RAB3C: variants seen among roughly 807,000 people sequenced by gnomAD.
RAB3C encodes the protein ras-related protein Rab-3C.
In RAB3C, 17 loss-of-function variants were observed where a neutral mutation model predicts 26.4. The observed-to-expected ratio is 0.64, with a 90% confidence interval of 0.44 to 0.97. RAB3C has a LOEUF of 0.97. RAB3C is among the 50% of genes least tolerant of loss of function. The pLI is 0.00. For synonymous variants in RAB3C, 91 were observed against 95.9 expected, an observed-to-expected ratio of 0.95 and a Z score of 0.30; for missense variants, 242 against 281.9, an observed-to-expected ratio of 0.86 and a Z score of 1.01.
intron 1 of RAB3C, among the ~76,000 whole-genome samples, chr5:58,590,381 A>G (rs1337859017): frequency 2.0e-5 from 3 of 152,106 alleles, no homozygotes; most frequent in African/African-American, 7.2e-5. Flanking sequence ...TGTTTATATC[A>G]GTATTAATGT....
Position 58,758,790 on chromosome 5 carries a change from G to A in RAB3C, c.371+32670G>A, listed in dbSNP as rs182631472. On this transcript the variant is annotated intron_variant, in intron 3 of 4. Coordinates refer to ENST00000282878, the MANE Select transcript of RAB3C (RefSeq NM_138453.4). ...TACTAAAGTAAAATGAAATCTGGAA[G>A]GATCACTTCATCGTGATCTCTCATG... Among the ~76,000 whole-genome samples, 123 of 152,240 alleles carry A rather than the reference G, an allele frequency of 8.1e-4. 1 individual carries two copies. Among genetic ancestry groups the A allele is most frequent in the African/African-American group, 2.8e-3 (118 of 41,556 alleles).
rs149024101 is a variant in RAB3C, at chr5:58,624,359, G to A, written c.252+6489G>A. ...GAAGCCTATTTTAGGTGATCAGTGC[G>A]GATTGATACAAGATGCTAACTGAGC... On this transcript the variant is annotated intron_variant, in intron 2 of 4. Coordinates refer to ENST00000282878, the MANE Select transcript of RAB3C (RefSeq NM_138453.4). Among the ~76,000 whole-genome samples the A allele has an allele frequency of 3.4e-3, 512 of 152,252 alleles. 2 individuals are homozygous for A. Among genetic ancestry groups the A allele is most frequent in the Non-Finnish European group, 5.2e-3 (352 of 68,010 alleles).
At chr5:58,621,391 G>C (rs1342052373) in intron 2 of RAB3C, among the ~76,000 whole-genome samples, 1 of 152,158 alleles carries the variant, frequency 6.6e-6, no homozygotes, top group Non-Finnish European at 1.5e-5. Flanking sequence ...GTTAGTACCA[G>C]AGCAGAGCCT....
chr5:58,746,887 T>C (rs1741413195), intron 3 of RAB3C, among the ~76,000 whole-genome samples: 1 of 152,224 alleles, frequency 6.6e-6, no homozygotes, highest in African/African-American at 2.4e-5. Flanking sequence ...GATAAGAAAA[T>C]TGTTTGATTG....
intron 2 of RAB3C, among the ~76,000 whole-genome samples, chr5:58,685,437 A>C (rs1748425665): frequency 6.6e-6 from 1 of 152,180 alleles, no homozygotes; most frequent in Admixed American, 6.6e-5. Context: ...CCACTTAAAA[A>C]GACTTATGTG....
intron 3 of RAB3C, among the ~76,000 whole-genome samples, chr5:58,734,326 A>T (rs1410102841): frequency 2.6e-5 from 4 of 152,124 alleles, no homozygotes; most frequent in African/African-American, 9.7e-5. Flanking sequence ...AGCAATTGCT[A>T]AGCCTCTGTT....
intron 1 of RAB3C, among the ~76,000 whole-genome samples, chr5:58,617,311 A>G (rs1192411575): frequency 2.8e-4 from 43 of 152,202 alleles, no homozygotes; most frequent in Admixed American, 2.8e-3. Flanking sequence ...TTCAGAGCCC[A>G]CATGCCCTGG....
At chr5:58,640,524 C>T (rs1236116764) in intron 2 of RAB3C, among the ~76,000 whole-genome samples, 1 of 152,162 alleles carries the variant, frequency 6.6e-6, no homozygotes. Flanking sequence ...GTAGAGAGTG[C>T]TCCATTAAAA....
chr5:58,722,334 G>A (rs1465859086), intron 2 of RAB3C, among the ~76,000 whole-genome samples: 1 of 151,510 alleles, frequency 6.6e-6, no homozygotes, highest in Non-Finnish European at 1.5e-5. Flanking sequence ...GAGAAATTAG[G>A]GGGAAGCTGT....
intron 4 of RAB3C, among the ~76,000 whole-genome samples, chr5:58,827,079 T>G (rs1221356297): frequency 1.3e-5 from 2 of 152,204 alleles, no homozygotes; most frequent in Non-Finnish European, 2.9e-5. Context: ...AGTTACCATC[T>G]CTGCCACAGG....
At chr5:58,851,048 C>T in intron 4 of RAB3C, 116 bp from the exon 5 acceptor site, 1 of 977,828 alleles carries the variant, frequency 1.0e-6, no homozygotes, top group Non-Finnish European at 1.5e-6. Flanking sequence ...CTACCCCAAA[C>T]CTACCACCCA....
intron 3 of RAB3C, among the ~76,000 whole-genome samples, chr5:58,818,016 T>G (rs1052608495): frequency 1.3e-5 from 2 of 152,224 alleles, no homozygotes; most frequent in Non-Finnish European, 2.9e-5. Context: ...TGTTCGAGCT[T>G]CGCTGGGTGA....
chr5:58,841,520 C>T (rs1273900459), intron 4 of RAB3C, among the ~76,000 whole-genome samples: 1 of 152,136 alleles, frequency 6.6e-6, no homozygotes, highest in Non-Finnish European at 1.5e-5. Context: ...TGGTGCTATG[C>T]TGCAGAAGCT....
chr5:58,648,790 A>C (rs1747581257), intron 2 of RAB3C, among the ~76,000 whole-genome samples: 1 of 152,214 alleles, frequency 6.6e-6, no homozygotes, highest in African/African-American at 2.4e-5. Flanking sequence ...TCCAAATCTA[A>C]GGAGGTTAAT....
chr5:58,779,328 C>T (rs9292176), intron 3 of RAB3C, among the ~76,000 whole-genome samples: 15,240 of 148,404 alleles, frequency 0.1, 882 homozygotes, highest in Non-Finnish European at 0.14. Context: ...GAAATATATA[C>T]ATATATAATT....
At chr5:58,831,948 G>A (rs1051136759) in intron 4 of RAB3C, among the ~76,000 whole-genome samples, 3 of 152,148 alleles carry the variant, frequency 2.0e-5, no homozygotes, top group Non-Finnish European at 4.4e-5. Flanking sequence ...TCTCTGGGCT[G>A]GGACCCAGAC....
In RAB3C at chr5:58,681,020, A is replaced by T. The variant is rs543136224; in HGVS notation, c.253-44982A>T. Among the ~76,000 whole-genome samples, 944 of 152,128 alleles carry T rather than the reference A, an allele frequency of 6.2e-3. 7 individuals are homozygous for T. The highest frequency in any genetic ancestry group is 9.9e-3 in the Non-Finnish European group (672 of 67,970). On this transcript the variant is annotated intron_variant, in intron 2 of 4. Coordinates refer to ENST00000282878, the MANE Select transcript of RAB3C (RefSeq NM_138453.4). Reference sequence around the variant, plus strand: ...CTAATTTTTAAATTTATTTAATAAAATTTTTTTTAATTTTTGTGGGAAAAT... The same window carrying T: ...CTAATTTTTAAATTTATTTAATAAATTTTTTTTTAATTTTTGTGGGAAAAT...
Position 58,726,049 on chromosome 5 carries a change from T to G in RAB3C, c.300T>G (p.Tyr100Ter), listed in dbSNP as rs745831746. Residue 100 changes from tyrosine (Y) to a stop codon, truncating the protein, a stop_gained, in exon 3 of 5, where the codon TAT becomes TAG. Transcript: ENST00000282878. LOFTEE classifies it high-confidence loss of function. ...ACAGGACTATCACCACAGCCTATTATCGTGGAGCCATGGGCTTTATTTTAA... is the reference window on the plus strand; with the variant it reads ...ACAGGACTATCACCACAGCCTATTAGCGTGGAGCCATGGGCTTTATTTTAA... Reference protein sequence around the residue: ...ERYRTITTAYYRGAMGFILMY... With the variant: ...ERYRTITTAY The G allele has an allele frequency of 6.2e-7, 1 of 1,608,200 alleles. No individual in the cohort carries two copies. Among genetic ancestry groups the G allele is most frequent in the Non-Finnish European group, 8.5e-7 (1 of 1,176,520 alleles).
chr5:58,618,972 G>A (rs542613257), intron 2 of RAB3C, among the ~76,000 whole-genome samples: 9 of 152,000 alleles, frequency 5.9e-5, no homozygotes, highest in African/African-American at 9.7e-5. Flanking sequence ...CAAACAAATC[G>A]CAGAGTAGAG....
Sources: allele counts gnomAD v4.1 joint callset (sites outside exome capture counted in the v4.1 genomes callset), GRCh38; gene constraint gnomAD v4.1.1; transcripts MANE v1.5; gene names NCBI Gene and HGNC (gene_info 2026-07-23, HGNC 2026-07-21).